FSIP1: variants seen among roughly 807,000 people sequenced by gnomAD.
FSIP1 encodes the protein fibrous sheath-interacting protein 1.
A neutral mutation model predicts 60.9 loss-of-function variants in FSIP1; 65 were observed. That is an observed-to-expected ratio of 1.07 (90% CI 0.87 to 1.31). The LOEUF (loss-of-function observed/expected upper bound fraction) is 1.31. Ranked by LOEUF, FSIP1 falls within the 40% of genes most tolerant of loss-of-function variation. FSIP1 has a pLI of 0.00. For synonymous variants in FSIP1, 209 were observed against 221.2 expected, an observed-to-expected ratio of 0.94 and a Z score of 0.49; for missense variants, 675 against 665.5, an observed-to-expected ratio of 1.01 and a Z score of -0.16.
intron 10 of FSIP1, among the ~76,000 whole-genome samples, chr15:39,650,356 CACTT>C (rs1469496684): frequency 2.0e-5 from 3 of 152,188 alleles, no homozygotes; most frequent in African/African-American, 7.2e-5. Context: ...CACAATTTAT[CACTT>C]AATCACATTG....
chr15:39,778,539 G>C (rs990589499), intron 1 of FSIP1, among the ~76,000 whole-genome samples: 1 of 152,176 alleles, frequency 6.6e-6, no homozygotes, highest in Non-Finnish European at 1.5e-5. Context: ...GGATCTTATA[G>C]ATGTATTTAA....
chr15:39,758,414 G>C (rs555313772), intron 5 of FSIP1, among the ~76,000 whole-genome samples: 13 of 151,676 alleles, frequency 8.6e-5, no homozygotes, highest in Non-Finnish European at 1.8e-4. Flanking sequence ...CTACCCACTA[G>C]AAAAATCAGT....
At chr15:39,772,173 T>A (rs1235835631) in intron 2 of FSIP1, among the ~76,000 whole-genome samples, 2 of 152,168 alleles carry the variant, frequency 1.3e-5, no homozygotes, top group African/African-American at 4.8e-5. Flanking sequence ...CTACCAACTG[T>A]CTTCCCCAAC....
intron 10 of FSIP1, among the ~76,000 whole-genome samples, chr15:39,682,157 A>T (rs1366896829): frequency 1.1e-4 from 16 of 152,326 alleles, no homozygotes; most frequent in Non-Finnish European, 1.5e-5. Flanking sequence ...TACAAATGAT[A>T]TACTGTAATT....
chr15:39,760,849 G>A (rs1255021722), intron 5 of FSIP1, among the ~76,000 whole-genome samples: 2 of 152,128 alleles, frequency 1.3e-5, no homozygotes, highest in East Asian at 3.8e-4. Flanking sequence ...GTAAGATTAG[G>A]AGAAGCAGGG....
At chr15:39,746,863 T>A (rs1414391395) in intron 5 of FSIP1, among the ~76,000 whole-genome samples, 1 of 151,868 alleles carries the variant, frequency 6.6e-6, no homozygotes, top group Non-Finnish European at 1.5e-5. Context: ...TAAGGAGAGA[T>A]GATAAGAAAA....
intron 11 of FSIP1, among the ~76,000 whole-genome samples, chr15:39,603,265 T>G (rs1890705676): frequency 6.6e-6 from 1 of 152,112 alleles, no homozygotes; most frequent in African/African-American, 2.4e-5. Flanking sequence ...GCCTTGGGGT[T>G]TTAAAGCATG....
chr15:39,686,143 G>C (rs1181673667), intron 10 of FSIP1, among the ~76,000 whole-genome samples: 3 of 152,046 alleles, frequency 2.0e-5, no homozygotes, highest in Non-Finnish European at 4.4e-5. Flanking sequence ...ACCTATAAGG[G>C]GATTCTCTAG....
intron 9 of FSIP1, among the ~76,000 whole-genome samples, chr15:39,714,468 T>C (rs117576834): frequency 1.3e-5 from 2 of 150,740 alleles, no homozygotes; most frequent in Non-Finnish European, 3.0e-5. Context: ...CCTCATTCCT[T>C]ACATAGAGAT....
intron 10 of FSIP1, among the ~76,000 whole-genome samples, chr15:39,642,335 T>A (rs1892404979): frequency 6.6e-6 from 1 of 152,244 alleles, no homozygotes; most frequent in African/African-American, 2.4e-5. Context: ...AACCTGCTTC[T>A]GGTCCAAGAA....
intron 10 of FSIP1, among the ~76,000 whole-genome samples, chr15:39,676,901 T>C (rs1053607277): frequency 6.6e-6 from 1 of 152,238 alleles, no homozygotes; most frequent in African/African-American, 2.4e-5. Flanking sequence ...ATAAAATTAG[T>C]GTCTTTTCTG....
intron 10 of FSIP1, among the ~76,000 whole-genome samples, chr15:39,703,386 A>G (rs1351738489): frequency 6.6e-6 from 1 of 150,588 alleles, no homozygotes; most frequent in East Asian, 2.0e-4. Context: ...TTATCATAAC[A>G]CATGTGAAAA....
chr15:39,761,655 C>T (rs1018909799), intron 5 of FSIP1, among the ~76,000 whole-genome samples: 3 of 152,086 alleles, frequency 2.0e-5, no homozygotes, highest in Admixed American at 6.5e-5. Context: ...ATCTATTGCA[C>T]GGTGTGGTGA....
At chr15:39,614,057 A>G (rs1256889312) in intron 11 of FSIP1, among the ~76,000 whole-genome samples, 1 of 152,212 alleles carries the variant, frequency 6.6e-6, no homozygotes, top group Non-Finnish European at 1.5e-5. Flanking sequence ...TTTTTTCAAC[A>G]TAGTACTTAA....
intron 10 of FSIP1, among the ~76,000 whole-genome samples, chr15:39,648,691 G>T (rs1319008782): frequency 6.6e-6 from 1 of 152,202 alleles, no homozygotes; most frequent in Non-Finnish European, 1.5e-5. Context: ...GGTGAAATGT[G>T]TGATGTAATT....
intron 2 of FSIP1, among the ~76,000 whole-genome samples, chr15:39,774,582 C>A (rs773107147): frequency 2.6e-5 from 4 of 151,884 alleles, no homozygotes; most frequent in Non-Finnish European, 5.9e-5. Context: ...GTAATTATTA[C>A]AAAGCTGTAA....
chr15:39,627,969 G>A (rs1322875070), intron 10 of FSIP1, among the ~76,000 whole-genome samples: 1 of 152,214 alleles, frequency 6.6e-6, no homozygotes, highest in East Asian at 1.9e-4. Context: ...GGAAGCACAG[G>A]GTTAGCAGCT....
intron 10 of FSIP1, among the ~76,000 whole-genome samples, chr15:39,630,744 T>C (rs1891848606): frequency 6.6e-6 from 1 of 152,222 alleles, no homozygotes; most frequent in Non-Finnish European, 1.5e-5. Flanking sequence ...TTAGGGCCTT[T>C]TCACACTAAT....
chr15:39,687,192 A>G (rs1410121980), intron 10 of FSIP1, among the ~76,000 whole-genome samples: 1 of 112,212 alleles, frequency 8.9e-6, no homozygotes, highest in East Asian at 2.8e-4. Context: ...CTTGTTGCCC[A>G]GGCTGGAGTG....
Sources: allele counts gnomAD v4.1 joint callset (sites outside exome capture counted in the v4.1 genomes callset), GRCh38; gene constraint gnomAD v4.1.1; transcripts MANE v1.5; gene names NCBI Gene and HGNC (gene_info 2026-07-23, HGNC 2026-07-21).